Variants in PAH observed in about 807,000 individuals in gnomAD.
The protein encoded by PAH is phenylalanine hydroxylase.
PAH carries 64 observed loss-of-function variants against 62.0 expected under a neutral mutation model. The observed-to-expected ratio is 1.03, with a 90% CI of 0.84 to 1.27. The LOEUF is 1.27. Among genes scored for constraint, PAH ranks in the 50% most tolerant of loss-of-function variants. The pLI is 0.00. For synonymous variants in PAH, 195 were observed against 196.2 expected, an observed-to-expected ratio of 0.99 and a Z score of 0.05; for missense variants, 579 against 542.8, an observed-to-expected ratio of 1.07 and a Z score of -0.66.
chr12:102,947,726 C>T (rs990745019), intron 1 of PAH, among the ~76,000 whole-genome samples: 2 of 152,046 alleles, frequency 1.3e-5, no homozygotes, highest in Non-Finnish European at 2.9e-5. Context: ...AAAATAGAGT[C>T]GGGGTGACTG....
At chr12:102,865,700 A>G (rs2136662023) in intron 5 of PAH, among the ~76,000 whole-genome samples, 1 of 152,254 alleles carries the variant, frequency 6.6e-6, no homozygotes, top group South Asian at 2.1e-4. Context: ...AAGACAGCAC[A>G]TTTTTGAATT....
intron 5 of PAH, among the ~76,000 whole-genome samples, chr12:102,861,321 T>C (rs1364240081): frequency 1.3e-5 from 2 of 152,114 alleles, no homozygotes; most frequent in Admixed American, 6.6e-5. Context: ...CATTAAAAAG[T>C]CAGGAAACAA....
rs1251581968 is a variant in PAH at position 102,877,490 on chromosome 12, T to C, written c.413A>G (p.Tyr138Cys). Residue 138 changes from tyrosine (Y) to cysteine (C), a missense_variant, in exon 4 of 13, where the codon TAT becomes TGT. Transcript: ENST00000553106. ...LDRFANQILSYGAELDADHPG... is the reference protein window; with the variant it reads ...LDRFANQILSCGAELDADHPG... ...GTGGTCAGCATCCAGTTCCGCTCCA[T>C]AGCTGAGAATCTGATTGGCAAATCT... The C allele has an allele frequency of 6.2e-7, 1 of 1,614,038 alleles. No individual in the cohort carries two copies. Among genetic ancestry groups the C allele is most frequent in the Non-Finnish European group, 8.5e-7 (1 of 1,179,956 alleles).
chr12:102,942,427 A>G (rs1023324993), intron 1 of PAH, among the ~76,000 whole-genome samples: 8 of 152,202 alleles, frequency 5.3e-5, no homozygotes, highest in Non-Finnish European at 1.0e-4. Flanking sequence ...ACACAACACA[A>G]GCAAATGGAA....
intron 1 of PAH, among the ~76,000 whole-genome samples, chr12:102,938,255 C>G (rs1021649002): frequency 2.6e-5 from 4 of 152,124 alleles, no homozygotes; most frequent in African/African-American, 9.7e-5. Flanking sequence ...CCACACTATT[C>G]CCATAGATCT....
At chr12:102,925,607 A>G (rs1878663170) in intron 1 of PAH, among the ~76,000 whole-genome samples, 1 of 152,170 alleles carries the variant, frequency 6.6e-6, no homozygotes, top group Admixed American at 6.5e-5. Context: ...CATTGCAGAC[A>G]CAAAGGAGAC....
intron 2 of PAH, among the ~76,000 whole-genome samples, chr12:102,910,146 G>A (rs575412488): frequency 6.6e-6 from 1 of 152,248 alleles, no homozygotes; most frequent in African/African-American, 2.4e-5. Context: ...TCTTCTTGAA[G>A]AAACCATCCT....
At chr12:102,858,846 C>T (rs574974001) in intron 5 of PAH, among the ~76,000 whole-genome samples, 1 of 152,260 alleles carries the variant, frequency 6.6e-6, no homozygotes, top group South Asian at 2.1e-4. Context: ...AAATTTATAG[C>T]ACTAAATGCC....
chr12:102,946,753 G>A (rs1197861585), intron 1 of PAH: 1 of 152,160 alleles, frequency 6.6e-6, no homozygotes, highest in Non-Finnish European at 1.5e-5. Flanking sequence ...CTGATTTTTG[G>A]TTCTTATGAA....
chr12:102,924,789 C>T (rs561254684), intron 1 of PAH, among the ~76,000 whole-genome samples: 1 of 152,272 alleles, frequency 6.6e-6, no homozygotes, highest in Admixed American at 6.5e-5. Flanking sequence ...CCTGGATCTA[C>T]TCTGCATTAC....
chr12:102,852,822 G>T lies in PAH; in HGVS notation c.835C>A (p.Pro279Thr). 2 of 1,614,038 alleles carry T rather than the reference G, an allele frequency of 1.2e-6. No individual in the cohort carries two copies. Among genetic ancestry groups the T allele is most frequent in the Non-Finnish European group, 1.7e-6 (2 of 1,179,944 alleles). The change falls in exon 7 of 13, where the codon CCC (proline) becomes ACC (threonine). Residue 279 changes from proline (P) to threonine (T), a missense_variant. Physicochemically the swap from Pro to Thr is conservative, Grantham distance 38. Coordinates refer to ENST00000553106, the MANE Select transcript of PAH (RefSeq NM_000277.3). The part of the protein sequence containing the change: ...IRHGSKPMYT[P>T]EPDICHELLG... ...CTGGAGGACAGTACTCACGGTTCGGGGGTATACATGGGCTTGGATCCATGT... is the reference window on the plus strand; with the variant it reads ...CTGGAGGACAGTACTCACGGTTCGGTGGTATACATGGGCTTGGATCCATGT...
intron 1 of PAH, among the ~76,000 whole-genome samples, chr12:102,929,050 C>T (rs944161475): frequency 1.3e-5 from 2 of 152,054 alleles, no homozygotes; most frequent in South Asian, 2.1e-4. Flanking sequence ...TTATAAAAGG[C>T]TTTTTTCTCT....
chr12:102,899,117 T>C (rs936113562), intron 2 of PAH, among the ~76,000 whole-genome samples: 4 of 152,330 alleles, frequency 2.6e-5, no homozygotes, highest in African/African-American at 9.6e-5. Context: ...TCATCCTTCT[T>C]GGCTCAGGAA....
chr12:102,845,061 C>A (rs185727831), intron 9 of PAH, among the ~76,000 whole-genome samples: 31 of 152,260 alleles, frequency 2.0e-4, no homozygotes, highest in African/African-American at 7.2e-4. Context: ...CTAGTACACA[C>A]CTCAAAGAAG....
intron 1 of PAH, among the ~76,000 whole-genome samples, chr12:102,927,529 C>T (rs1376588307): frequency 6.6e-6 from 1 of 151,930 alleles, no homozygotes; most frequent in Non-Finnish European, 1.5e-5. Flanking sequence ...CTAGTATAAT[C>T]AGAAATGTAG....
chr12:102,882,082 G>A (rs142120229), intron 3 of PAH, among the ~76,000 whole-genome samples: 6 of 152,318 alleles, frequency 3.9e-5, no homozygotes, highest in Non-Finnish European at 8.8e-5. Flanking sequence ...CACCAGCAGA[G>A]TACAAGGGTT....
intron 5 of PAH, among the ~76,000 whole-genome samples, chr12:102,857,219 A>G (rs1875474980): frequency 6.6e-6 from 1 of 152,236 alleles, no homozygotes; most frequent in Admixed American, 6.5e-5. Context: ...ACTGGAAGAA[A>G]GGGTATCAGT....
Position 102,843,683 on chromosome 12 carries a change from C to T in PAH, c.1162G>A (p.Val388Met), listed in dbSNP as rs62516101. The change falls in exon 11 of 13, where the codon GTG (valine) becomes ATG (methionine). Residue 388 changes from valine to methionine, a missense_variant. Val to Met is a conservative substitution (Grantham distance 21). Coordinates refer to ENST00000553106, the MANE Select transcript of PAH (RefSeq NM_000277.3). ...TVTEFQPLYY[V>M]AESFNDAKEK... ...TTGGCATCATTAAAACTCTCTGCCA[C>T]GTAATAGAGGGGCTGGAACTCCGTG... 3.7e-5 allele frequency: 60 copies of T among 1,613,504 alleles called. No homozygotes were observed. The Admixed American group carries it at 4.7e-4, about 13-fold the overall frequency.
At position 102,878,687 on chromosome 12, in the gene PAH, T is replaced by TAAGG. The variant is rs917650403; in HGVS notation, c.353-1141_353-1138dup. Among the ~76,000 whole-genome samples, 7 of 145,938 alleles carry TAAGG rather than the reference T, an allele frequency of 4.8e-5. No homozygotes were observed. In the East Asian group the frequency reaches 1.4e-3, roughly 29 times the overall value. On this transcript the variant is annotated intron_variant, in intron 3 of 12. Transcript: ENST00000553106. The stretch of plus-strand genomic sequence containing the variant: ...GAAAGAAAGGAGGGAGAAAACAAGA[T>TAAGG]AAGGAAGGAAGGAAGAAAGAAAAGG...
Sources: gnomAD v4.1 joint callset for allele counts (sites outside exome capture counted in the v4.1 genomes callset) on GRCh38, gnomAD v4.1.1 for gene constraint, MANE v1.5 for transcripts, NCBI Gene and HGNC (gene_info 2026-07-23, HGNC 2026-07-21) for gene names.